The following WDPCP variants were observed in gnomAD, a reference collection of about 807,000 sequenced individuals.
WDPCP encodes WD repeat-containing and planar cell polarity effector protein fritz homolog.
A neutral mutation model predicts 93.1 loss-of-function variants in WDPCP; 71 were observed. The observed-to-expected ratio is 0.76, with a 90% confidence interval of 0.63 to 0.93. The LOEUF is 0.93. Among genes scored for constraint, WDPCP ranks in the 40% least tolerant of loss-of-function variants. The pLI, the probability that WDPCP is intolerant of heterozygous loss-of-function variation, is 0.00. For missense variants in WDPCP, 844 were observed against 887.4 expected (o/e 0.95, Z 0.62); for synonymous variants, 315 against 315.0 (o/e 1.00, Z 0.00).
chr2:63,267,028 A>G (rs1306263833), intron 13 of WDPCP, among the ~76,000 whole-genome samples: 1 of 152,156 alleles, frequency 6.6e-6, no homozygotes, highest in Non-Finnish European at 1.5e-5. Context: ...GAGAGCCAAC[A>G]ATCTTGCACA....
chr2:63,376,291 G>C (rs1202641570), intron 12 of WDPCP, among the ~76,000 whole-genome samples: 1 of 151,548 alleles, frequency 6.6e-6, no homozygotes, highest in Non-Finnish European at 1.5e-5. Context: ...ATGCCCCAAG[G>C]GAAAACATCC....
chr2:63,471,020 G>A (rs541154791), intron 6 of WDPCP, among the ~76,000 whole-genome samples: 1 of 152,108 alleles, frequency 6.6e-6, no homozygotes, highest in South Asian at 2.1e-4. Context: ...CACCAAATAT[G>A]AGGCCCAGCC....
At chr2:63,556,359 G>GA in intron 1 of WDPCP, among the ~76,000 whole-genome samples, 1 of 152,276 alleles carries the variant, frequency 6.6e-6, no homozygotes, top group East Asian at 1.9e-4. Flanking sequence ...TAAAAAGTCC[G>GA]AACCTGCGAT....
chr2:63,461,918 C>T (rs1200654463), intron 6 of WDPCP, among the ~76,000 whole-genome samples: 6 of 152,270 alleles, frequency 3.9e-5, no homozygotes, highest in Non-Finnish European at 7.4e-5. Context: ...TTAAAAAGTT[C>T]AACCATTGTG....
chr2:63,470,818 C>T (rs1411291164), intron 6 of WDPCP, among the ~76,000 whole-genome samples: 1 of 152,156 alleles, frequency 6.6e-6, no homozygotes, highest in East Asian at 1.9e-4. Context: ...TCTTCTTGCT[C>T]ATTTCACCCC....
At chr2:63,562,147 A>G (rs1706675196) in intron 1 of WDPCP, among the ~76,000 whole-genome samples, 1 of 152,232 alleles carries the variant, frequency 6.6e-6, no homozygotes, top group South Asian at 2.1e-4. Flanking sequence ...TAGACTGGAT[A>G]AAGAAAATGT....
At chr2:63,355,527 C>G (rs1446263117) in intron 12 of WDPCP, among the ~76,000 whole-genome samples, 2 of 152,154 alleles carry the variant, frequency 1.3e-5, no homozygotes, top group East Asian at 3.9e-4. Context: ...GTGTCACTAT[C>G]AAGCAACCAT....
At position 63,119,977 on chromosome 2, in the gene WDPCP, G is replaced by A. The variant is rs1372894863; in HGVS notation, c.*2029C>T. Among the ~76,000 whole-genome samples, 1 of 152,090 alleles carries A rather than the reference G, an allele frequency of 6.6e-6. No individual in the cohort carries two copies. Reference sequence around the variant, plus strand: ...GAGGTATGTGAAGTGGGGAAAATGGGTACTTTAAGAACTATGATTTGTTTA... The same window carrying A: ...GAGGTATGTGAAGTGGGGAAAATGGATACTTTAAGAACTATGATTTGTTTA... On this transcript the variant is annotated 3_prime_UTR_variant, in exon 18 of 18. Coordinates refer to ENST00000272321, the MANE Select transcript of WDPCP (RefSeq NM_015910.7).
At position 63,604,264 on chromosome 2, in the gene WDPCP, A is replaced by AT. The variant is rs1158812463; in HGVS notation, n.488+46394_488+46395insA. Among the ~76,000 whole-genome samples the AT allele has an allele frequency of 1.5e-3, 236 of 152,344 alleles. 1 individual carries two copies. The highest frequency in any genetic ancestry group is 5.0e-3 in the African/African-American group (208 of 41,578). ...ATGGTATATAATAAAAATTTTACCT[A>AT]AATATAAAGTGCCTAAATACCTGAT... On this transcript the variant is annotated intron_variant and non_coding_transcript_variant, in intron 3 of 4. Transcript: ENST00000467687.
chr2:63,781,300 C>A (rs751908388), intron 2 of WDPCP, among the ~76,000 whole-genome samples: 1 of 152,126 alleles, frequency 6.6e-6, no homozygotes, highest in Non-Finnish European at 1.5e-5. Context: ...TATTTGCCAT[C>A]ACACTTGCCT....
At chr2:63,452,996 G>A (rs1698364386) in intron 6 of WDPCP, among the ~76,000 whole-genome samples, 1 of 152,192 alleles carries the variant, frequency 6.6e-6, no homozygotes, top group Admixed American at 6.5e-5. Flanking sequence ...AACCCTAGAA[G>A]AAAACCTAGG....
At chr2:63,579,155 T>G (rs577751324) in intron 1 of WDPCP, among the ~76,000 whole-genome samples, 12 of 152,232 alleles carry the variant, frequency 7.9e-5, no homozygotes, top group African/African-American at 2.9e-4. Context: ...ATAAGTCTTC[T>G]CCAACAGTGC....
At position 63,517,841 on chromosome 2, in the gene WDPCP, T is replaced by C. The variant is rs538095810; in HGVS notation, c.76-24901A>G. 1.1e-4 allele frequency: 16 copies of C among 152,348 alleles called. 1 individual carries two copies. Among genetic ancestry groups the C allele is most frequent in the African/African-American group, 3.6e-4 (15 of 41,590 alleles). The allele number at this position is 152,348 out of a possible 1,614,324, so 9.4% of individuals were successfully genotyped here. A position where few individuals can be genotyped will look rare whatever the true frequency, so the allele number is the denominator to read the frequency against. On this transcript the variant is annotated intron_variant, in intron 1 of 17. Transcript: ENST00000272321. ...ATCTGTTACATTGTTTTGCTCTCTA[T>C]GTACATACACACACACACAGCATTA...
intron 1 of WDPCP, among the ~76,000 whole-genome samples, chr2:63,551,748 C>T (rs1705665496): frequency 6.6e-6 from 1 of 152,052 alleles, no homozygotes; most frequent in Non-Finnish European, 1.5e-5. Flanking sequence ...AAGCAAAATG[C>T]TGGCATAATG....
intron 3 of WDPCP, among the ~76,000 whole-genome samples, chr2:63,639,599 C>T (rs1180426779): frequency 6.6e-6 from 1 of 152,184 alleles, no homozygotes; most frequent in African/African-American, 2.4e-5. Context: ...CAAGTCCTCA[C>T]TTCTTAATAC....
rs138308619 is a variant in WDPCP, at chr2:63,579,391, C to G, written c.75+8806G>C. Among the ~76,000 whole-genome samples the G allele has an allele frequency of 1.5e-4, 23 of 152,278 alleles. No homozygotes were observed. The East Asian group carries it at 4.4e-3, about 29-fold the overall frequency. ...TCGGGAGGCCAAGGTGGGTGGATCA[C>G]TGGAGGTCAGGAGTTTGAGACCAGC... On this transcript the variant is annotated intron_variant, in intron 1 of 17. Coordinates refer to ENST00000272321, the MANE Select transcript of WDPCP (RefSeq NM_015910.7).
chr2:63,491,396 G>A (rs1262341042), intron 2 of WDPCP, among the ~76,000 whole-genome samples: 1 of 152,132 alleles, frequency 6.6e-6, no homozygotes, highest in Non-Finnish European at 1.5e-5. Context: ...TTGCCAACTG[G>A]TGGGCTTCAC....
chr2:63,294,377 G>GC (rs1684681250), intron 13 of WDPCP, among the ~76,000 whole-genome samples: 1 of 151,990 alleles, frequency 6.6e-6, no homozygotes, highest in South Asian at 2.1e-4. Context: ...GGGCATCTTG[G>GC]CAAGCCCCTG....
intron 14 of WDPCP, among the ~76,000 whole-genome samples, chr2:63,199,655 G>A (rs1156421986): frequency 6.6e-6 from 1 of 152,260 alleles, no homozygotes; most frequent in Non-Finnish European, 1.5e-5. Context: ...ACGCCTGGAT[G>A]TCCAGGCAGA....
Sources: gnomAD v4.1 joint callset for allele counts (sites outside exome capture counted in the v4.1 genomes callset) on GRCh38, gnomAD v4.1.1 for gene constraint, MANE v1.5 for transcripts, NCBI Gene and HGNC (gene_info 2026-07-23, HGNC 2026-07-21) for gene names.